EPHB2: variants seen among roughly 807,000 people sequenced by gnomAD.
EPHB2 encodes the protein EPH receptor B2.
EPHB2 carries 18 observed loss-of-function variants against 96.4 expected under a neutral mutation model. That is an observed-to-expected ratio of 0.19 (90% CI 0.13 to 0.28). EPHB2 has a LOEUF of 0.28. Among genes scored for constraint, EPHB2 ranks in the 10% least tolerant of loss-of-function variants. The probability of loss-of-function intolerance (pLI) is 1.00; values close to 1 mark genes in which losing one functional copy is unlikely to be tolerated. For synonymous variants in EPHB2, 506 were observed against 534.1 expected, an observed-to-expected ratio of 0.95 and a Z score of 0.72; for missense variants, 989 against 1,355.4, an observed-to-expected ratio of 0.73 and a Z score of 4.25.
intron 3 of EPHB2, among the ~76,000 whole-genome samples, chr1:22,818,379 G>A (rs1347694468): frequency 6.6e-6 from 1 of 152,038 alleles, no homozygotes; most frequent in Non-Finnish European, 1.5e-5. Flanking sequence ...CCACCGCCCT[G>A]GCTCTGCAGA....
rs1466867655 is a variant in EPHB2, at chr1:22,919,026, C to T, written c.*5456C>T. ...CCCACCTGTATCAGAATCTCCTGGG[C>T]TATTTATTGTTTAACTTGCAGACTC... On this transcript the variant is annotated 3_prime_UTR_variant, in exon 16 of 16. Coordinates refer to ENST00000374630, the MANE Select transcript of EPHB2 (RefSeq NM_017449.5). The T allele has an allele frequency of 6.6e-6, 1 of 152,172 alleles. No individual in the cohort carries two copies. Among genetic ancestry groups the T allele is most frequent in the African/African-American group, 2.4e-5 (1 of 41,428 alleles). The allele number at this position is 152,172 out of a possible 1,614,324, so 9.4% of individuals were successfully genotyped here.
chr1:22,743,807 C>T (rs753345036), intron 1 of EPHB2, among the ~76,000 whole-genome samples: 9 of 152,210 alleles, frequency 5.9e-5, no homozygotes, highest in Non-Finnish European at 7.3e-5. Context: ...CCCCAAAGCT[C>T]TGAGTACAGT....
intron 1 of EPHB2, among the ~76,000 whole-genome samples, chr1:22,767,252 A>G (rs1054235549): frequency 1.3e-5 from 2 of 152,172 alleles, no homozygotes; most frequent in Non-Finnish European, 2.9e-5. Flanking sequence ...ATCTAACTCA[A>G]GCTGGGGAAG....
Position 22,772,233 on chromosome 1 carries a change from G to T in EPHB2, c.62-9188G>T, listed in dbSNP as rs540378943. Among the ~76,000 whole-genome samples the T allele has an allele frequency of 5.5e-4, 84 of 152,292 alleles. 1 individual carries two copies. Among genetic ancestry groups the T allele is most frequent in the African/African-American group, 1.9e-3 (80 of 41,566 alleles). The stretch of plus-strand genomic sequence containing the variant: ...TGGCCCGGAGGATTGGGTTTCAGCC[G>T]GGGCGGCCAGTGCTGGCGGATGCCC... On this transcript the variant is annotated intron_variant, in intron 1 of 15. Transcript: ENST00000374630.
At chr1:22,721,159 G>T (rs1643457009) in intron 1 of EPHB2, among the ~76,000 whole-genome samples, 1 of 152,180 alleles carries the variant, frequency 6.6e-6, no homozygotes, top group Non-Finnish European at 1.5e-5. Context: ...AAATTCTAAA[G>T]GCATGGGCCA....
chr1:22,720,830 G>A (rs546835504), intron 1 of EPHB2, among the ~76,000 whole-genome samples: 2 of 152,242 alleles, frequency 1.3e-5, no homozygotes, highest in South Asian at 4.2e-4. Context: ...ATGAAAAATG[G>A]CAGCCTGGAG....
intron 13 of EPHB2, among the ~76,000 whole-genome samples, chr1:22,909,618 C>T (rs1640028361): frequency 6.6e-6 from 1 of 152,186 alleles, no homozygotes; most frequent in Non-Finnish European, 1.5e-5. Flanking sequence ...GATCGCAGGA[C>T]AAGTGGGGTT....
rs989678022 is a variant in EPHB2 at position 22,916,766 on chromosome 1, GC to G, written c.*3198del. Reference sequence around the variant, plus strand: ...AGTTGGTACTGCAGGAAAGAAAGCTGCCTTGTAAACACAGGCCAGGGCACCG... The same window carrying G: ...AGTTGGTACTGCAGGAAAGAAAGCTGCTTGTAAACACAGGCCAGGGCACCG... On this transcript the variant is annotated 3_prime_UTR_variant, in exon 16 of 16. Transcript: ENST00000374630. This position sits in a 1 kb window ranked among gnomAD's most constrained non-coding sequence, Gnocchi z 4.2. 4.6e-5 allele frequency: 7 copies of G among 152,316 alleles called. No homozygotes were observed. Among genetic ancestry groups the G allele is most frequent in the African/African-American group, 1.7e-4 (7 of 41,428 alleles). 9.4% of individuals were successfully genotyped at this position (152,316 alleles called of 1,614,324 possible).
At chr1:22,910,970 T>C (rs1640079610) in intron 14 of EPHB2, among the ~76,000 whole-genome samples, 1 of 152,014 alleles carries the variant, frequency 6.6e-6, no homozygotes, top group African/African-American at 2.4e-5. Flanking sequence ...AAACCCCTTC[T>C]CTACTAAAAT....
intron 1 of EPHB2, among the ~76,000 whole-genome samples, chr1:22,762,156 G>A (rs1197211172): frequency 6.6e-6 from 1 of 152,240 alleles, no homozygotes; most frequent in Non-Finnish European, 1.5e-5. Flanking sequence ...GTCTCCTGGT[G>A]GCGTATGGGA....
rs1456999886 is a variant in EPHB2, at chr1:22,733,835, T to C, written c.61+22792T>C. ...GGATTCTTGGCCTGGTATGATTTGG[T>C]GGGGACAGAGCTAGAAGTTGAACCC... On this transcript the variant is annotated intron_variant, in intron 1 of 15. Transcript: ENST00000374630. This position sits in a 1 kb window ranked among gnomAD's most constrained non-coding sequence, Gnocchi z 4.6. Among the ~76,000 whole-genome samples, 1 of 151,994 alleles carries C rather than the reference T, an allele frequency of 6.6e-6. No individual in the cohort carries two copies. The highest frequency in any genetic ancestry group is 1.9e-4 in the East Asian group (1 of 5,178).
intron 6 of EPHB2, 132 bp from the exon 7 acceptor site, chr1:22,892,752 G>C: frequency 8.9e-7 from 1 of 1,120,188 alleles, no homozygotes; most frequent in Non-Finnish European, 1.4e-6. Context: ...TAAAGGGAGG[G>C]GATGAAGAAT....
intron 3 of EPHB2, among the ~76,000 whole-genome samples, chr1:22,851,034 G>A (rs1054595405): frequency 5.3e-5 from 8 of 152,140 alleles, no homozygotes; most frequent in Non-Finnish European, 1.5e-5. Flanking sequence ...TTGCTCTGTT[G>A]CCCAGATTGG....
rs1426681150 is a variant in EPHB2 at position 22,860,392 on chromosome 1, A to G, written c.812-2645A>G. On this transcript the variant is annotated intron_variant, in intron 3 of 15. Transcript: ENST00000374630. This position sits in a 1 kb window ranked among gnomAD's most constrained non-coding sequence, Gnocchi z 4.6. ...CCCAGGGCAGAGAAGAGTGAGTTTC[A>G]TGAAGCAGTGCCATAGATACAGAAA... Among the ~76,000 whole-genome samples the G allele has an allele frequency of 6.6e-6, 1 of 152,178 alleles. No individual in the cohort carries two copies. The highest frequency in any genetic ancestry group is 2.4e-5 in the African/African-American group (1 of 41,440).
chr1:22,779,342 G>C (rs570801835), intron 1 of EPHB2, among the ~76,000 whole-genome samples: 4 of 152,224 alleles, frequency 2.6e-5, no homozygotes, highest in African/African-American at 9.6e-5. Flanking sequence ...CCAGTGCAAA[G>C]GGACACAGTG....
rs113963551 is a variant in EPHB2 at position 22,896,374 on chromosome 1, G to A, written c.1701-40G>A. 338 of 1,613,704 alleles carry A rather than the reference G, an allele frequency of 2.1e-4. No individual in the cohort carries two copies. The African/African-American group carries it at 3.3e-3, about 16-fold the overall frequency. ...TACTGTGGCTCCCAGCTCCCTGGGC[G>A]CCTTCAGGTGGCTCCAGCCCTTTGC... is the stretch of plus-strand genomic sequence containing the variant. On this transcript the variant is annotated intron_variant, in intron 8 of 15. Coordinates refer to ENST00000374630, the MANE Select transcript of EPHB2 (RefSeq NM_017449.5).
At chr1:22,767,585 G>A (rs1176925369) in intron 1 of EPHB2, among the ~76,000 whole-genome samples, 3 of 152,208 alleles carry the variant, frequency 2.0e-5, no homozygotes, top group Non-Finnish European at 2.9e-5. Flanking sequence ...GACAGTGCCT[G>A]GCAGGTCGTA....
chr1:22,741,463 A>C (rs1405100932), intron 1 of EPHB2, among the ~76,000 whole-genome samples: 2 of 151,938 alleles, frequency 1.3e-5, no homozygotes, highest in Non-Finnish European at 2.9e-5. Flanking sequence ...TCTTTGGGAG[A>C]TAAGGGTTCC....
At chr1:22,724,745 C>T (rs1643545143) in intron 1 of EPHB2, among the ~76,000 whole-genome samples, 1 of 152,316 alleles carries the variant, frequency 6.6e-6, no homozygotes, top group African/African-American at 2.4e-5. Context: ...TGCCGCAGGA[C>T]ATGGCCCTTT....
Sources: gnomAD v4.1 joint callset for allele counts (sites outside exome capture counted in the v4.1 genomes callset) on GRCh38, gnomAD v4.1.1 for gene constraint, Gnocchi (gnomAD v3.1) non-coding constraint, MANE v1.5 for transcripts, NCBI Gene and HGNC (gene_info 2026-07-23, HGNC 2026-07-21) for gene names.